Variants in ITGBL1 observed in about 807,000 individuals in gnomAD.
The protein encoded by ITGBL1 is integrin beta-like protein 1.
Under a neutral mutation model 68.5 loss-of-function variants are expected in ITGBL1, and 51 were observed. The ratio of observed to expected loss-of-function variants is 0.74; its 90% CI spans 0.59 to 0.94. ITGBL1 has a LOEUF of 0.94. ITGBL1 is among the 40% of genes least tolerant of loss of function. ITGBL1 has a pLI of 0.00. For missense variants in ITGBL1, 649 were observed against 647.4 expected (o/e 1.00, Z -0.03); for synonymous variants, 209 against 227.3 (o/e 0.92, Z 0.72).
intron 7 of ITGBL1, among the ~76,000 whole-genome samples, chr13:101,646,996 A>G (rs1469850): frequency 0.49 from 74,639 of 151,922 alleles, 18,381 homozygotes; most frequent in Non-Finnish European, 0.52. Context: ...TAAAAGTAAT[A>G]GACCCTGAGT....
intron 2 of ITGBL1, among the ~76,000 whole-genome samples, chr13:101,540,070 G>A (rs2049664139): frequency 6.6e-6 from 1 of 152,132 alleles, no homozygotes; most frequent in Admixed American, 6.5e-5. Context: ...GATCCCATTT[G>A]TCAATTTTGG....
chr13:101,703,111 G>A (rs1354101490), intron 8 of ITGBL1, among the ~76,000 whole-genome samples: 2 of 152,010 alleles, frequency 1.3e-5, no homozygotes, highest in African/African-American at 4.8e-5. Flanking sequence ...TAGTAGAGTA[G>A]TGGATTCATT....
At chr13:101,623,855 C>T (rs2031678638) in intron 7 of ITGBL1, among the ~76,000 whole-genome samples, 1 of 152,108 alleles carries the variant, frequency 6.6e-6, no homozygotes, top group African/African-American at 2.4e-5. Context: ...TTGGGTATAC[C>T]TTCTGGCCTT....
intron 2 of ITGBL1, among the ~76,000 whole-genome samples, chr13:101,505,108 C>T (rs1366050830): frequency 6.9e-6 from 1 of 144,230 alleles, no homozygotes; most frequent in Admixed American, 7.1e-5. Flanking sequence ...AAAGCTGAGA[C>T]CTTTACAAAA....
chr13:101,577,043 A>G (rs1288603668), intron 4 of ITGBL1, among the ~76,000 whole-genome samples: 1 of 152,160 alleles, frequency 6.6e-6, no homozygotes, highest in African/African-American at 2.4e-5. Flanking sequence ...TGCATGTATC[A>G]ATAGAAAAAT....
chr13:101,563,494 A>C (rs537086714), intron 2 of ITGBL1, among the ~76,000 whole-genome samples: 1 of 151,898 alleles, frequency 6.6e-6, no homozygotes, highest in East Asian at 1.9e-4. Context: ...CATGTTAAAA[A>C]GATAGTAAGC....
chr13:101,655,094 T>C (rs765530350), intron 7 of ITGBL1, among the ~76,000 whole-genome samples: 3 of 152,180 alleles, frequency 2.0e-5, no homozygotes, highest in Non-Finnish European at 4.4e-5. Context: ...GAGACAGATT[T>C]CTGAAGATGA....
At chr13:101,585,577 C>T (rs1053751105) in intron 6 of ITGBL1, among the ~76,000 whole-genome samples, 1 of 152,012 alleles carries the variant, frequency 6.6e-6, no homozygotes, top group Non-Finnish European at 1.5e-5. Context: ...GCTACAGGTG[C>T]CCACCACCAC....
intron 2 of ITGBL1, among the ~76,000 whole-genome samples, chr13:101,474,176 C>A (rs533950531): frequency 6.6e-6 from 1 of 152,238 alleles, no homozygotes; most frequent in East Asian, 1.9e-4. Flanking sequence ...GCCTTGACTC[C>A]TGGATGGCAT....
At chr13:101,589,196 A>G (rs2050609451) in intron 6 of ITGBL1, among the ~76,000 whole-genome samples, 1 of 152,226 alleles carries the variant, frequency 6.6e-6, no homozygotes, top group South Asian at 2.1e-4. Context: ...TAAATTAGGC[A>G]ATACCATTGT....
chr13:101,555,370 T>C (rs2049987636), intron 2 of ITGBL1, among the ~76,000 whole-genome samples: 2 of 152,110 alleles, frequency 1.3e-5, no homozygotes, highest in Non-Finnish European at 2.9e-5. Context: ...TTAATTCTAG[T>C]GTTTTCTTCT....
intron 7 of ITGBL1, among the ~76,000 whole-genome samples, chr13:101,610,744 T>A (rs1172857297): frequency 6.6e-6 from 1 of 152,008 alleles, no homozygotes; most frequent in Non-Finnish European, 1.5e-5. Context: ...ATGCAGCCCC[T>A]TACAGAAAAA....
chr13:101,516,653 A>G (rs970023195), intron 2 of ITGBL1, among the ~76,000 whole-genome samples: 2 of 152,192 alleles, frequency 1.3e-5, no homozygotes, highest in African/African-American at 4.8e-5. Flanking sequence ...TCCTCTTAGA[A>G]GTCTTTGAAT....
intron 2 of ITGBL1, among the ~76,000 whole-genome samples, chr13:101,470,450 A>G (rs998537122): frequency 6.6e-6 from 1 of 151,676 alleles, no homozygotes; most frequent in Non-Finnish European, 1.5e-5. Context: ...CTGCCTATGC[A>G]TTACTATTTT....
At chr13:101,663,464 G>A (rs1020491441) in intron 7 of ITGBL1, among the ~76,000 whole-genome samples, 2 of 152,156 alleles carry the variant, frequency 1.3e-5, no homozygotes, top group African/African-American at 4.8e-5. Flanking sequence ...TCATCAAAAT[G>A]GGCCTCCCAG....
At chr13:101,484,812 AG>A (rs919185208) in intron 2 of ITGBL1, among the ~76,000 whole-genome samples, 54 of 152,260 alleles carry the variant, frequency 3.5e-4, no homozygotes, top group African/African-American at 1.3e-3. Flanking sequence ...AAATATTTGA[AG>A]AAATAATAAT....
chr13:101,553,009 T>C (rs1362733468), intron 2 of ITGBL1, among the ~76,000 whole-genome samples: 1 of 152,202 alleles, frequency 6.6e-6, no homozygotes, highest in Non-Finnish European at 1.5e-5. Context: ...TGATGCAATG[T>C]TGTTAGTAGG....
chr13:101,651,731 A>G (rs945945271), intron 7 of ITGBL1, among the ~76,000 whole-genome samples: 2 of 151,702 alleles, frequency 1.3e-5, no homozygotes, highest in Non-Finnish European at 2.9e-5. Context: ...CGTTTTCATC[A>G]TGAAATTTTT....
chr13:101,666,490 T>A (rs1271791017), intron 7 of ITGBL1, among the ~76,000 whole-genome samples: 1 of 139,692 alleles, frequency 7.2e-6, no homozygotes, highest in African/African-American at 2.7e-5. Flanking sequence ...TCTGCAGAAC[T>A]TACATTATTT....
Sources: allele counts gnomAD v4.1 joint callset (sites outside exome capture counted in the v4.1 genomes callset), GRCh38; gene constraint gnomAD v4.1.1; transcripts MANE v1.5; gene names NCBI Gene and HGNC (gene_info 2026-07-23, HGNC 2026-07-21).